The following CADM2 variants were observed in gnomAD, a reference collection of about 807,000 sequenced individuals.
The protein encoded by CADM2 is immunoglobulin superfamily member 4D.
In CADM2, 12 loss-of-function variants were observed where a neutral mutation model predicts 49.8. That is an observed-to-expected ratio of 0.24 (90% CI 0.15 to 0.39). The LOEUF (loss-of-function observed/expected upper bound fraction) is 0.39. CADM2 is among the 10% of genes least tolerant of loss of function. The pLI, the probability that CADM2 is intolerant of heterozygous loss-of-function variation, is 1.00. For synonymous variants in CADM2, 214 were observed against 175.4 expected, an observed-to-expected ratio of 1.22 and a Z score of -1.74; for missense variants, 378 against 492.3, an observed-to-expected ratio of 0.77 and a Z score of 2.20.
At chr3:85,376,855 T>C (rs750838205) in intron 1 of CADM2, among the ~76,000 whole-genome samples, 1 of 152,126 alleles carries the variant, frequency 6.6e-6, no homozygotes, top group Non-Finnish European at 1.5e-5. Flanking sequence ...ATTAATACAA[T>C]GCCAGAAAGA....
chr3:85,717,181 G>T (rs1188015898), intron 1 of CADM2, among the ~76,000 whole-genome samples: 1 of 152,034 alleles, frequency 6.6e-6, no homozygotes, highest in Non-Finnish European at 1.5e-5. Flanking sequence ...TTGAGCAGTG[G>T]TTTGTAGTTC....
intron 1 of CADM2, among the ~76,000 whole-genome samples, chr3:85,227,169 T>C (rs2042180974): frequency 6.6e-6 from 1 of 152,186 alleles, no homozygotes; most frequent in Admixed American, 6.5e-5. Flanking sequence ...GTTCAAGTCC[T>C]AAATATCCCT....
At position 85,388,236 on chromosome 3, in the gene CADM2, G is replaced by T. The variant is rs536966063; in HGVS notation, c.62-338286G>T. ...AGATGAGGTCTCACCAAGTTGCCCA[G>T]AATGGTCTTGGACTCCTGCCAATAA... On this transcript the variant is annotated intron_variant, in intron 1 of 9. Transcript: ENST00000383699. 1.5e-4 allele frequency among the ~76,000 whole-genome samples: 23 copies of T among 152,246 alleles called. No individual in the cohort carries two copies. In the East Asian group the frequency reaches 3.3e-3, roughly 22 times the overall value.
chr3:85,142,270 T>C (rs1294613198), intron 1 of CADM2, among the ~76,000 whole-genome samples: 2 of 152,212 alleles, frequency 1.3e-5, no homozygotes, highest in Non-Finnish European at 2.9e-5. Flanking sequence ...TGGTCTTAGC[T>C]GCCTAACCAC....
At chr3:85,761,769 G>T (rs1161482823) in intron 2 of CADM2, among the ~76,000 whole-genome samples, 10 of 152,160 alleles carry the variant, frequency 6.6e-5, no homozygotes, top group Non-Finnish European at 1.2e-4. Context: ...TTGTGTGTTT[G>T]TTAGTAGCAT....
intron 1 of CADM2, among the ~76,000 whole-genome samples, chr3:85,494,649 G>T (rs999842095): frequency 6.6e-5 from 10 of 152,100 alleles, no homozygotes; most frequent in African/African-American, 2.4e-4. Flanking sequence ...AGAAAATGAG[G>T]TGACACATTA....
chr3:85,262,726 G>C (rs2043039239), intron 1 of CADM2, among the ~76,000 whole-genome samples: 1 of 151,878 alleles, frequency 6.6e-6, no homozygotes, highest in African/African-American at 2.4e-5. Context: ...CTGATATCCA[G>C]GAAACTTTCC....
intron 1 of CADM2, among the ~76,000 whole-genome samples, chr3:85,605,995 CTG>C (rs2063527637): frequency 6.6e-6 from 1 of 152,004 alleles, no homozygotes; most frequent in Non-Finnish European, 1.5e-5. Flanking sequence ...GCCTTCTTTC[CTG>C]TGTTTCAAGC....
At chr3:85,305,814 C>A (rs1045703169) in intron 1 of CADM2, among the ~76,000 whole-genome samples, 17 of 151,698 alleles carry the variant, frequency 1.1e-4, no homozygotes, top group African/African-American at 3.4e-4. Context: ...TTTAATTCAT[C>A]CCTTAGAACA....
chr3:86,005,465 T>G (rs1730666438), intron 8 of CADM2, among the ~76,000 whole-genome samples: 1 of 151,736 alleles, frequency 6.6e-6, no homozygotes. Flanking sequence ...GCAGGAGAAT[T>G]GCTGGAACCC....
Position 85,924,592 on chromosome 3 carries a change from A to AAAATAAATAAATAAAT in CADM2, c.701-11156_701-11141dup, listed in dbSNP as rs56769723. On this transcript the variant is annotated intron_variant, in intron 6 of 9. Coordinates refer to ENST00000383699, the MANE Select transcript of CADM2 (RefSeq NM_001167675.2). ...GGGTGACAAAATGAAACAACATCTAAAAATAAATAAATAAATAAATAAATA... is the reference window on the plus strand; with the variant it reads ...GGGTGACAAAATGAAACAACATCTAAAAATAAATAAATAAATAAATAAATAAATAAATAAATAAATA... Among the ~76,000 whole-genome samples, 1,202 of 146,278 alleles carry AAAATAAATAAATAAAT rather than the reference A, an allele frequency of 8.2e-3. 11 individuals are homozygous for AAAATAAATAAATAAAT. The highest frequency in any genetic ancestry group is 0.021 in the African/African-American group (810 of 39,444).
chr3:86,014,708 T>G, intron 8 of CADM2: 1 of 1,523,490 alleles, frequency 6.6e-7, no homozygotes, highest in Non-Finnish European at 8.8e-7. Context: ...AGGAACACCA[T>G]GCTGACATGT....
At chr3:85,101,600 T>A (rs1162485188) in intron 1 of CADM2, among the ~76,000 whole-genome samples, 2 of 152,218 alleles carry the variant, frequency 1.3e-5, no homozygotes, top group South Asian at 4.1e-4. Context: ...TGTAGGTAAT[T>A]CATTTGTCTA....
chr3:85,026,701 T>C (rs1332145129), intron 1 of CADM2, among the ~76,000 whole-genome samples: 2 of 152,160 alleles, frequency 1.3e-5, no homozygotes, highest in Admixed American at 6.5e-5. Context: ...ACATCCTTAA[T>C]TGAATATAGA....
At chr3:85,160,022 C>G (rs764823826) in intron 1 of CADM2, among the ~76,000 whole-genome samples, 1 of 152,134 alleles carries the variant, frequency 6.6e-6, no homozygotes, top group Non-Finnish European at 1.5e-5. Flanking sequence ...ACACACATAT[C>G]TGGATATATA....
Position 86,067,024 on chromosome 3 carries a change from A to C in CADM2, c.*241A>C, listed in dbSNP as rs912613752. Reference sequence around the variant, plus strand: ...AATTTCACACCATTGCTCTTTTAACATACAGTGCTTGAATATACAGCCTTA... The same window carrying C: ...AATTTCACACCATTGCTCTTTTAACCTACAGTGCTTGAATATACAGCCTTA... On this transcript the variant is annotated 3_prime_UTR_variant, in exon 10 of 10. Coordinates refer to ENST00000383699, the MANE Select transcript of CADM2 (RefSeq NM_001167675.2). The C allele has an allele frequency of 2.1e-6, 1 of 484,470 alleles. No individual in the cohort carries two copies. Among genetic ancestry groups the C allele is most frequent in the Admixed American group, 3.6e-5 (1 of 27,858 alleles). 30.0% of individuals were successfully genotyped at this position (484,470 alleles called of 1,614,324 possible).
At chr3:85,940,164 C>CAAAAAAAAAAAA (rs10527231) in intron 7 of CADM2, among the ~76,000 whole-genome samples, 1 of 52,146 alleles carries the variant, frequency 1.9e-5, no homozygotes, top group Admixed American at 2.8e-4. Flanking sequence ...ACTAAAAATA[C>CAAAAAAAAAAAA]AAAAAAAAAA....
intron 3 of CADM2, among the ~76,000 whole-genome samples, 189 bp from the exon 4 acceptor site, chr3:85,883,102 A>G (rs540132220): frequency 6.6e-5 from 10 of 152,344 alleles, no homozygotes; most frequent in African/African-American, 1.9e-4. Flanking sequence ...ACCTAATTCT[A>G]CTTTGATTTT....
chr3:85,551,912 A>G (rs1212408598), intron 1 of CADM2, among the ~76,000 whole-genome samples: 1 of 152,188 alleles, frequency 6.6e-6, no homozygotes, highest in Non-Finnish European at 1.5e-5. Flanking sequence ...ACTTACAGTT[A>G]TTCATTTGGA....
Sources: allele counts gnomAD v4.1 joint callset (sites outside exome capture counted in the v4.1 genomes callset), GRCh38; gene constraint gnomAD v4.1.1; transcripts MANE v1.5; gene names NCBI Gene and HGNC (gene_info 2026-07-23, HGNC 2026-07-21).